The following FRMPD1 variants were observed in gnomAD, a reference collection of about 807,000 sequenced individuals.
FRMPD1 encodes FERM and PDZ domain containing 1, also known as FERM and PDZ domain-containing protein 1.
A neutral mutation model predicts 117.8 loss-of-function variants in FRMPD1; 76 were observed. That is an observed-to-expected ratio of 0.65 (90% CI 0.54 to 0.78). The LOEUF (loss-of-function observed/expected upper bound fraction) is 0.78, where lower values mean the gene tolerates loss of function less well. Among genes scored for constraint, FRMPD1 ranks in the 30% least tolerant of loss-of-function variants. The pLI, the probability that FRMPD1 is intolerant of heterozygous loss-of-function variation, is 0.00. For missense variants in FRMPD1, 1,786 were observed against 1,964.5 expected, an observed-to-expected ratio of 0.91 and a Z score of 1.72; for synonymous variants, 783 against 770.4, an observed-to-expected ratio of 1.02 and a Z score of -0.27.
chr9:37,650,778 G>A (rs1820643046), upstream of FRMPD1, among the ~76,000 whole-genome samples: 1 of 151,414 alleles, frequency 6.6e-6, no homozygotes, highest in South Asian at 2.1e-4. Context: ...CGCCCACTGC[G>A]GCGGGCCGGG....
chr9:37,619,230 C>A, the FRMPD1 span, among the ~76,000 whole-genome samples: 1 of 152,304 alleles, frequency 6.6e-6, no homozygotes, highest in Admixed American at 6.5e-5. Flanking sequence ...CCTTTCCTGA[C>A]ATCTCTGTGA....
chr9:37,636,656 G>A, the FRMPD1 span: 55 of 1,424,628 alleles, frequency 3.9e-5, no homozygotes, highest in East Asian at 1.0e-3. Flanking sequence ...TTTGGAGAAG[G>A]TGCCCCCTCC....
At chr9:37,713,471 G>T (rs568110122) in intron 5 of FRMPD1, among the ~76,000 whole-genome samples, 7 of 151,946 alleles carry the variant, frequency 4.6e-5, no homozygotes, top group African/African-American at 1.4e-4. Context: ...AAAACAAAAT[G>T]ATTATAGCTG....
chr9:37,626,642 A>AAAAAAAAAAAAAAAAAAAACC, the FRMPD1 span, among the ~76,000 whole-genome samples: 1 of 146,312 alleles, frequency 6.8e-6, no homozygotes, highest in Non-Finnish European at 1.5e-5. Flanking sequence ...AAAAAAAAAA[A>AAAAAAAAAAAAAAAAAAAACC]GCTGGAGGTG....
the FRMPD1 span, among the ~76,000 whole-genome samples, chr9:37,645,364 T>C: frequency 1.3e-5 from 2 of 152,310 alleles, no homozygotes; most frequent in Non-Finnish European, 1.5e-5. Context: ...GTCCATTACA[T>C]TAGCAATAGA....
At chr9:37,713,193 G>T (rs1025191122) in intron 5 of FRMPD1, among the ~76,000 whole-genome samples, 1 of 152,162 alleles carries the variant, frequency 6.6e-6, no homozygotes, top group Admixed American at 6.5e-5. Context: ...AATGAGGATG[G>T]CCTTGATAGG....
the FRMPD1 span, among the ~76,000 whole-genome samples, chr9:37,638,143 G>A: frequency 2.4e-3 from 365 of 150,784 alleles, 1 homozygote; most frequent in African/African-American, 8.1e-3. Flanking sequence ...GCGTTATCTC[G>A]GCTCGCTGCA....
intron 5 of FRMPD1, among the ~76,000 whole-genome samples, chr9:37,714,640 A>G (rs528192806): frequency 3.8e-4 from 49 of 128,092 alleles, no homozygotes; most frequent in East Asian, 1.1e-3. Flanking sequence ...GTTTTATTTT[A>G]TTTTATCTTA....
upstream of FRMPD1, among the ~76,000 whole-genome samples, chr9:37,649,208 A>C (rs1057145087): frequency 6.6e-6 from 1 of 152,228 alleles, no homozygotes; most frequent in African/African-American, 2.4e-5. Context: ...GGAGAGAGTA[A>C]TTTGATGATT....
intron 3 of FRMPD1, 65 bp from the exon 4 acceptor site, chr9:37,708,334 G>T: frequency 1.1e-6 from 1 of 950,582 alleles, no homozygotes; most frequent in South Asian, 1.4e-5. Context: ...TAACTGTGCC[G>T]CTATTACACA....
chr9:37,709,056 C>T (rs915133449), intron 4 of FRMPD1, among the ~76,000 whole-genome samples: 35 of 152,260 alleles, frequency 2.3e-4, no homozygotes, highest in African/African-American at 8.2e-4. Context: ...GAGACCAGGG[C>T]TCAGTGGGTG....
At chr9:37,723,957 C>G (rs181844249) in intron 6 of FRMPD1, among the ~76,000 whole-genome samples, 2 of 151,912 alleles carry the variant, frequency 1.3e-5, no homozygotes, top group African/African-American at 4.8e-5. Flanking sequence ...CAAGATTGCA[C>G]CACTGCACTC....
chr9:37,681,226 A>G (rs563215463), intron 1 of FRMPD1, among the ~76,000 whole-genome samples: 109 of 151,768 alleles, frequency 7.2e-4, no homozygotes, highest in Admixed American at 2.0e-3. Context: ...AAAAAAAAAA[A>G]AAAGAAAGAA....
chr9:37,729,603 G>A (rs1382211324), intron 7 of FRMPD1, 125 bp from the exon 8 acceptor site: 26 of 951,950 alleles, frequency 2.7e-5, no homozygotes, highest in South Asian at 2.3e-4. Flanking sequence ...AGACTCTGGC[G>A]TAAGTCAGCA....
intron 1 of FRMPD1, among the ~76,000 whole-genome samples, chr9:37,688,152 T>C (rs1452872379): frequency 4.6e-5 from 7 of 151,372 alleles, no homozygotes; most frequent in South Asian, 2.1e-4. Flanking sequence ...TATTTTCCTA[T>C]ATATACAAGA....
At chr9:37,649,614 C>T (rs1328647370), upstream of FRMPD1, among the ~76,000 whole-genome samples, 5 of 152,198 alleles carry the variant, frequency 3.3e-5, no homozygotes, top group African/African-American at 1.2e-4. Context: ...TTCATCCAGA[C>T]GATGTTGGCT....
chr9:37,715,389 T>C (rs1398227236), intron 5 of FRMPD1, among the ~76,000 whole-genome samples: 3 of 152,188 alleles, frequency 2.0e-5, no homozygotes, highest in Non-Finnish European at 2.9e-5. Context: ...CTTAGTGATA[T>C]GCTGTTGTAC....
chr9:37,696,051 C>CTTTTTTTTTT (rs61521469), intron 2 of FRMPD1, among the ~76,000 whole-genome samples: 61 of 78,080 alleles, frequency 7.8e-4, no homozygotes, highest in Non-Finnish European at 1.1e-3. Context: ...CATTGTTTTG[C>CTTTTTTTTTT]TTTTTTTTTT....
intron 14 of FRMPD1, among the ~76,000 whole-genome samples, chr9:37,739,795 C>G (rs1386815043): frequency 6.6e-6 from 1 of 152,142 alleles, no homozygotes; most frequent in Non-Finnish European, 1.5e-5. Context: ...AAGTAAATAC[C>G]ACATTTCCAT....
Sources: allele counts gnomAD v4.1 joint callset (sites outside exome capture counted in the v4.1 genomes callset), GRCh38; gene constraint gnomAD v4.1.1; transcripts MANE v1.5; gene names NCBI Gene and HGNC (gene_info 2026-07-23, HGNC 2026-07-21).